KLRG2: variants seen among roughly 807,000 people sequenced by gnomAD.
The protein encoded by KLRG2 is killer cell lectin like receptor G2, also known as killer cell lectin-like receptor subfamily G member 2.
A neutral mutation model predicts 35.4 loss-of-function variants in KLRG2; 39 were observed. The observed-to-expected ratio is 1.10, with a 90% CI of 0.85 to 1.44. The LOEUF is 1.44. Among genes scored for constraint, KLRG2 ranks in the 40% most tolerant of loss-of-function variants. The pLI is 0.00. For synonymous variants in KLRG2, 283 were observed against 265.8 expected (o/e 1.06, Z -0.63); for missense variants, 632 against 570.9 (o/e 1.11, Z -1.09).
At chr7:139,453,849 C>T in intron 4 of KLRG2, 142 bp from the exon 5 acceptor site, 1 of 991,004 alleles carries the variant, frequency 1.0e-6, no homozygotes, top group Non-Finnish European at 1.5e-6. Context: ...AGCCACGTGG[C>T]ACTGGATGAA....
At chr7:139,470,248 C>T (rs543313903) in intron 3 of KLRG2, among the ~76,000 whole-genome samples, 2 of 151,980 alleles carry the variant, frequency 1.3e-5, no homozygotes, top group Admixed American at 6.6e-5. Context: ...TTAATAAAGA[C>T]GGGATTTCAC....
chr7:139,427,396 C>G, the KLRG2 span, among the ~76,000 whole-genome samples: 5 of 152,326 alleles, frequency 3.3e-5, no homozygotes, highest in East Asian at 9.7e-4. Flanking sequence ...GGCTTTGAGA[C>G]TCACAGAATT....
chr7:139,431,302 A>G, the KLRG2 span, among the ~76,000 whole-genome samples: 1 of 152,212 alleles, frequency 6.6e-6, no homozygotes, highest in South Asian at 2.1e-4. Flanking sequence ...CGTGTTGGAA[A>G]TCTTCCATAT....
intron 2 of KLRG2, 133 bp from the exon 3 acceptor site, chr7:139,479,905 A>C (rs1796925472): frequency 1.9e-6 from 2 of 1,042,138 alleles, no homozygotes; most frequent in Admixed American, 2.6e-5. Context: ...GAGCTTTTAT[A>C]GTCTGTGCAG....
intron 3 of KLRG2, among the ~76,000 whole-genome samples, chr7:139,468,474 GAAC>G (rs1414220693): frequency 6.6e-6 from 1 of 152,120 alleles, no homozygotes; most frequent in Non-Finnish European, 1.5e-5. Context: ...GCCTGCCAGA[GAAC>G]AACCCTCTTT....
At chr7:139,469,160 GTTTA>G (rs956900796) in intron 3 of KLRG2, among the ~76,000 whole-genome samples, 2 of 152,136 alleles carry the variant, frequency 1.3e-5, no homozygotes, top group African/African-American at 2.4e-5. Flanking sequence ...CATAAGATTT[GTTTA>G]TTTACTTATT....
chr7:139,470,841 CTTT>C (rs879394340), intron 3 of KLRG2, among the ~76,000 whole-genome samples: 2 of 141,814 alleles, frequency 1.4e-5, no homozygotes, highest in Admixed American at 7.1e-5. Context: ...CAGCACATTC[CTTT>C]TTTTTTTTTT....
chr7:139,432,224 C>T, the KLRG2 span, among the ~76,000 whole-genome samples: 49 of 152,104 alleles, frequency 3.2e-4, no homozygotes, highest in African/African-American at 1.1e-3. Context: ...GGCACAGTGG[C>T]CTGTGCCCGT....
chr7:139,454,822 TAATAATAATAATAA>T (rs768455341), intron 3 of KLRG2, among the ~76,000 whole-genome samples: 498 of 32,810 alleles, frequency 0.015, 1 homozygote, highest in African/African-American at 0.029. Flanking sequence ...TATCTCAAAA[TAATAATAATAATAA>T]TAATAATAAT....
intron 3 of KLRG2, among the ~76,000 whole-genome samples, chr7:139,477,818 G>A (rs1251120494): frequency 6.6e-6 from 1 of 151,942 alleles, no homozygotes; most frequent in African/African-American, 2.4e-5. Flanking sequence ...GATTGCAGTG[G>A]CACAATCTCG....
chr7:139,460,040 G>A (rs769216081), intron 3 of KLRG2, among the ~76,000 whole-genome samples: 119 of 152,172 alleles, frequency 7.8e-4, no homozygotes, highest in Non-Finnish European at 1.4e-3. Flanking sequence ...GTGAGCCCCC[G>A]CGCCTGGCCA....
chr7:139,446,840 G>C, the KLRG2 span, among the ~76,000 whole-genome samples: 2 of 151,846 alleles, frequency 1.3e-5, no homozygotes, highest in Non-Finnish European at 2.9e-5. Context: ...CCTCTTATAA[G>C]GACACTTGTG....
At chr7:139,477,352 T>A (rs1183170261) in intron 3 of KLRG2, among the ~76,000 whole-genome samples, 1 of 152,030 alleles carries the variant, frequency 6.6e-6, no homozygotes, top group Non-Finnish European at 1.5e-5. Flanking sequence ...GGTGAACAAA[T>A]AAGCAAAATG....
At chr7:139,444,275 TCAATC>T in the KLRG2 span, among the ~76,000 whole-genome samples, 1 of 152,188 alleles carries the variant, frequency 6.6e-6, no homozygotes, top group Non-Finnish European at 1.5e-5. Context: ...TTTGCGTCCT[TCAATC>T]CAATCAAGTT....
intron 3 of KLRG2, among the ~76,000 whole-genome samples, chr7:139,457,841 G>C (rs1280185479): frequency 2.0e-5 from 3 of 152,118 alleles, no homozygotes; most frequent in African/African-American, 4.8e-5. Flanking sequence ...GTGGTGTAGG[G>C]AAGGCATTGT....
the KLRG2 span, among the ~76,000 whole-genome samples, chr7:139,442,307 G>A: frequency 6.6e-6 from 1 of 152,190 alleles, no homozygotes; most frequent in Non-Finnish European, 1.5e-5. Flanking sequence ...TGAGCTCAGC[G>A]GACAGGAGGA....
Position 139,480,130 on chromosome 7 carries a change from T to G in KLRG2, c.859+16A>C, listed in dbSNP as rs1020799899. The G allele has an allele frequency of 1.3e-6, 2 of 1,551,602 alleles. No homozygotes were observed. Among genetic ancestry groups the G allele is most frequent in the African/African-American group, 2.7e-5 (2 of 73,754 alleles). ...AGCGGCAGGGAGAGGGGATGGGGACTGCAGGGACACCATACCTGCTCTTGA... is the reference window on the plus strand; with the variant it reads ...AGCGGCAGGGAGAGGGGATGGGGACGGCAGGGACACCATACCTGCTCTTGA... On this transcript the variant is annotated intron_variant, in intron 2 of 4. Coordinates refer to ENST00000340940, the MANE Select transcript of KLRG2 (RefSeq NM_198508.4).
chr7:139,474,014 C>CTTTT (rs751172556), intron 3 of KLRG2, among the ~76,000 whole-genome samples: 2 of 129,930 alleles, frequency 1.5e-5, no homozygotes, highest in African/African-American at 2.9e-5. Flanking sequence ...GTGGCTCAGA[C>CTTTT]TTTTTTTTTT....
intron 3 of KLRG2, among the ~76,000 whole-genome samples, chr7:139,468,627 G>A (rs574549438): frequency 6.6e-6 from 1 of 152,298 alleles, no homozygotes; most frequent in East Asian, 1.9e-4. Context: ...AGCCTGTTTG[G>A]TGGTCTCTTC....
Sources: gnomAD v4.1 joint callset for allele counts (sites outside exome capture counted in the v4.1 genomes callset) on GRCh38, gnomAD v4.1.1 for gene constraint, MANE v1.5 for transcripts, NCBI Gene and HGNC (gene_info 2026-07-23, HGNC 2026-07-21) for gene names.